FAM174A: variants seen among roughly 807,000 people sequenced by gnomAD.
FAM174A encodes membrane protein FAM174A.
In FAM174A, 14 loss-of-function variants were observed where a neutral mutation model predicts 14.3. The observed-to-expected ratio is 0.98, with a 90% CI of 0.65 to 1.53. FAM174A has a LOEUF of 1.53. Among genes scored for constraint, FAM174A ranks in the 40% most tolerant of loss-of-function variants. The probability of loss-of-function intolerance (pLI) is 0.00; values close to 1 mark genes in which losing one functional copy is unlikely to be tolerated. For synonymous variants in FAM174A, 108 were observed against 111.4 expected, an observed-to-expected ratio of 0.97 and a Z score of 0.19; for missense variants, 241 against 249.6, an observed-to-expected ratio of 0.97 and a Z score of 0.23.
intron 2 of FAM174A, among the ~76,000 whole-genome samples, chr5:100,563,752 C>T (rs1309706682): frequency 6.6e-6 from 1 of 151,856 alleles, no homozygotes; most frequent in Non-Finnish European, 1.5e-5. Context: ...CAAAACAAGT[C>T]TTAACAACTT....
At chr5:100,573,122 G>T (rs1218821215) in intron 2 of FAM174A, among the ~76,000 whole-genome samples, 1 of 152,046 alleles carries the variant, frequency 6.6e-6, no homozygotes, top group African/African-American at 2.4e-5. Flanking sequence ...TTGTAAATTT[G>T]TTTGAGTTCA....
intron 1 of FAM174A, among the ~76,000 whole-genome samples, chr5:100,554,669 T>C (rs556591517): frequency 1.1e-4 from 17 of 152,290 alleles, no homozygotes; most frequent in South Asian, 8.3e-4. Flanking sequence ...CTTTGTTTGC[T>C]AATTACTTTC....
At chr5:100,581,784 A>C (rs1173876977) in intron 2 of FAM174A, among the ~76,000 whole-genome samples, 1 of 152,200 alleles carries the variant, frequency 6.6e-6, no homozygotes, top group Non-Finnish European at 1.5e-5. Flanking sequence ...TTCCCACTCA[A>C]GGAATGAAAT....
chr5:100,575,615 T>G (rs1746886978), intron 2 of FAM174A, among the ~76,000 whole-genome samples: 2 of 152,120 alleles, frequency 1.3e-5, no homozygotes, highest in South Asian at 4.1e-4. Flanking sequence ...ATTCAGGACA[T>G]AGGCATGGGC....
At chr5:100,566,147 T>G (rs1029975079) in intron 2 of FAM174A, among the ~76,000 whole-genome samples, 17 of 114,194 alleles carry the variant, frequency 1.5e-4, no homozygotes, top group Admixed American at 2.4e-4. Context: ...GTATGATATA[T>G]ATATATATAT....
chr5:100,550,456 A>G (rs1312192990), intron 1 of FAM174A, among the ~76,000 whole-genome samples: 1 of 152,136 alleles, frequency 6.6e-6, no homozygotes, highest in Non-Finnish European at 1.5e-5. Flanking sequence ...ATACAGAGAA[A>G]ATGGAAGATA....
chr5:100,567,222 T>A (rs796973040), intron 2 of FAM174A, among the ~76,000 whole-genome samples: 2 of 151,870 alleles, frequency 1.3e-5, no homozygotes, highest in South Asian at 4.1e-4. Flanking sequence ...AAAACTTCTT[T>A]AATATATATC....
rs185030258 is a variant in FAM174A at position 100,566,249 on chromosome 5, A to G, written c.569+4061A>G. ...GCCTTAAAAAAAAGAAAATCTGGAC[A>G]TTTGCAACAACATGGATGAACATGG... is the stretch of plus-strand genomic sequence containing the variant. On this transcript the variant is annotated intron_variant, in intron 2 of 2. Transcript: ENST00000312637. 8.1e-5 allele frequency among the ~76,000 whole-genome samples: 12 copies of G among 148,252 alleles called. No individual in the cohort carries two copies. In the South Asian group the frequency reaches 2.6e-3, roughly 32 times the overall value.
chr5:100,579,220 A>G (rs963569073), intron 2 of FAM174A, among the ~76,000 whole-genome samples: 1 of 152,186 alleles, frequency 6.6e-6, no homozygotes, highest in Non-Finnish European at 1.5e-5. Flanking sequence ...AGTTGTTTTC[A>G]GCTTAAATTT....
intron 1 of FAM174A, among the ~76,000 whole-genome samples, chr5:100,545,129 A>G (rs187588391): frequency 3.3e-5 from 5 of 152,290 alleles, no homozygotes; most frequent in East Asian, 1.9e-4. Context: ...TTTCTCTTCT[A>G]TATTATTGCA....
intron 1 of FAM174A, among the ~76,000 whole-genome samples, chr5:100,543,235 A>G (rs2112365945): frequency 6.6e-6 from 1 of 152,258 alleles, no homozygotes; most frequent in East Asian, 1.9e-4. Context: ...CTCCCACCTC[A>G]GCCTCCCAAG....
chr5:100,549,076 A>G (rs1392434046), intron 1 of FAM174A, among the ~76,000 whole-genome samples: 1 of 152,078 alleles, frequency 6.6e-6, no homozygotes, highest in Non-Finnish European at 1.5e-5. Context: ...TAACTGCTAA[A>G]GCTATAATCA....
intron 2 of FAM174A, among the ~76,000 whole-genome samples, chr5:100,564,482 A>G (rs1746596246): frequency 6.6e-6 from 1 of 151,948 alleles, no homozygotes; most frequent in South Asian, 2.1e-4. Flanking sequence ...GTGGCAAAAG[A>G]AAAACACTTT....
intron 1 of FAM174A, among the ~76,000 whole-genome samples, chr5:100,542,657 A>G (rs1328935588): frequency 3.3e-5 from 5 of 151,718 alleles, no homozygotes; most frequent in Non-Finnish European, 5.9e-5. Context: ...CTTTATTGCT[A>G]CACTGTCCAA....
At chr5:100,538,121 C>G (rs1426198624) in intron 1 of FAM174A, among the ~76,000 whole-genome samples, 4 of 152,108 alleles carry the variant, frequency 2.6e-5, no homozygotes, top group African/African-American at 9.7e-5. Context: ...AGTTGGCTGC[C>G]TGGCATCCAA....
chr5:100,549,800 A>G (rs1746230175), intron 1 of FAM174A, among the ~76,000 whole-genome samples: 4 of 152,132 alleles, frequency 2.6e-5, no homozygotes, highest in Admixed American at 2.6e-4. Context: ...TGCTAAAGGA[A>G]TTCAAAACTA....
intron 2 of FAM174A, among the ~76,000 whole-genome samples, chr5:100,574,151 A>G (rs1352255184): frequency 1.3e-5 from 2 of 151,918 alleles, no homozygotes; most frequent in Non-Finnish European, 2.9e-5. Context: ...ACAAAGAAGC[A>G]TACAGTTCCG....
intron 1 of FAM174A, among the ~76,000 whole-genome samples, chr5:100,555,119 C>T (rs1373558065): frequency 6.6e-6 from 1 of 151,826 alleles, no homozygotes; most frequent in Non-Finnish European, 1.5e-5. Flanking sequence ...TGATGTTCCC[C>T]TTCCTGTGTC....
intron 1 of FAM174A, among the ~76,000 whole-genome samples, chr5:100,556,098 C>T (rs1580368696): frequency 6.6e-6 from 1 of 152,144 alleles, no homozygotes; most frequent in East Asian, 1.9e-4. Context: ...AGTCCTTAAT[C>T]CATCTTGAAT....
Sources: allele counts gnomAD v4.1 joint callset (sites outside exome capture counted in the v4.1 genomes callset), GRCh38; gene constraint gnomAD v4.1.1; transcripts MANE v1.5; gene names NCBI Gene and HGNC (gene_info 2026-07-23, HGNC 2026-07-21).